Variants in DNMT3A observed in about 807,000 individuals in gnomAD.
DNMT3A encodes the protein DNA (cytosine-5)-methyltransferase 3A.
A neutral mutation model predicts 117.6 loss-of-function variants in DNMT3A; 267 were observed. The ratio of observed to expected loss-of-function variants is 2.27; its 90% CI spans 2.05 to 2.51. DNMT3A has a LOEUF of 2.51. Ranked by LOEUF, DNMT3A falls within the 30% of genes most tolerant of loss-of-function variation. The probability of loss-of-function intolerance (pLI) is 0.00; values close to 1 mark genes in which losing one functional copy is unlikely to be tolerated. For missense variants in DNMT3A, 1,029 were observed against 1,260.2 expected (o/e 0.82, Z 2.78); for synonymous variants, 432 against 474.8 (o/e 0.91, Z 1.17).
Position 25,262,183 on chromosome 2 carries a change from C to T in DNMT3A, c.639+12758G>A, listed in dbSNP as rs1286248960. 7.9e-5 allele frequency among the ~76,000 whole-genome samples: 9 copies of T among 113,992 alleles called. No individual in the cohort carries two copies. The East Asian group carries it at 1.0e-3, about 13-fold the overall frequency. The allele number at this position is 113,992 out of a possible 152,430, so 74.8% of individuals were successfully genotyped here. Reference sequence around the variant, plus strand: ...CCAGCCTGGCGAGAGAGCAAGACTCCGTCTCAAAAAAAAAAAAAAAAAAAA... The same window carrying T: ...CCAGCCTGGCGAGAGAGCAAGACTCTGTCTCAAAAAAAAAAAAAAAAAAAA... On this transcript the variant is annotated intron_variant, in intron 6 of 22. Transcript: ENST00000321117.
rs139660513 is a variant in DNMT3A, at chr2:25,285,083, C to T, written c.178-2372G>A. Among the ~76,000 whole-genome samples the T allele has an allele frequency of 2.6e-3, 397 of 152,258 alleles. 1 individual carries two copies. The highest frequency in any genetic ancestry group is 8.7e-3 in the African/African-American group (361 of 41,530). On this transcript the variant is annotated intron_variant, in intron 3 of 22. Coordinates refer to ENST00000321117, the MANE Select transcript of DNMT3A (RefSeq NM_022552.5). ...TTGCACTTACAGCTCTGTACAGCTG[C>T]GTGTTTCCATGGGACGGAGTTCCAG...
At chr2:25,292,831 C>A (rs980624097) in intron 3 of DNMT3A, among the ~76,000 whole-genome samples, 4 of 152,080 alleles carry the variant, frequency 2.6e-5, no homozygotes, top group African/African-American at 9.7e-5. Context: ...CAGCTCTCCT[C>A]CAATGGGTGT....
At chr2:25,242,162 C>T (rs1177698352) in intron 16 of DNMT3A, 2 of 178,626 alleles carry the variant, frequency 1.1e-5, no homozygotes, top group Admixed American at 1.3e-4. Flanking sequence ...CCCCTGGAAT[C>T]ACCGCCCCCT....
Position 25,327,383 on chromosome 2 carries a change from C to A in DNMT3A, c.-177-13222G>T, listed in dbSNP as rs958079178. Among the ~76,000 whole-genome samples, 1 of 152,130 alleles carries A rather than the reference C, an allele frequency of 6.6e-6. No homozygotes were observed. ...CAACATCCTGGCCAGCTAATCACTC[C>A]CTGCTTCAAGCACTCACTCAACAGC... On this transcript the variant is annotated intron_variant, in intron 1 of 22. Transcript: ENST00000321117. This position sits in a 1 kb window ranked among gnomAD's most constrained non-coding sequence, Gnocchi z 4.1.
At chr2:25,283,360 CAA>C (rs56884375) in intron 3 of DNMT3A, among the ~76,000 whole-genome samples, 19,059 of 65,708 alleles carry the variant, frequency 0.29, 1,227 homozygotes, top group African/African-American at 0.35. Flanking sequence ...GACTCCGCCT[CAA>C]AAAAAAAAAA....
Position 25,235,703 on chromosome 2 carries a change from G to C in DNMT3A, c.2597+4C>G. The C allele has an allele frequency of 6.2e-7, 1 of 1,611,830 alleles. No individual in the cohort carries two copies. Among genetic ancestry groups the C allele is most frequent in the Non-Finnish European group, 8.5e-7 (1 of 1,178,114 alleles). On this transcript the variant is annotated splice_donor_region_variant and intron_variant, in intron 22 of 22. Transcript: ENST00000321117. Reference sequence around the variant, plus strand: ...GCAGCCAGATGCCAGCACAACCCGGGTACCTTTCCATTTCAGTGCACCATA... The same window carrying C: ...GCAGCCAGATGCCAGCACAACCCGGCTACCTTTCCATTTCAGTGCACCATA...
Position 25,281,393 on chromosome 2 carries a change from G to A in DNMT3A, c.448+1048C>T. On this transcript the variant is annotated intron_variant, in intron 4 of 22. Coordinates refer to ENST00000321117, the MANE Select transcript of DNMT3A (RefSeq NM_022552.5). This position sits in a 1 kb window ranked among gnomAD's most constrained non-coding sequence, Gnocchi z 4.8. Reference sequence around the variant, plus strand: ...ATACAGATTCCCTCTGTAGTGTTCTGCACATAGTGGGAGCATCATACATAT... The same window carrying A: ...ATACAGATTCCCTCTGTAGTGTTCTACACATAGTGGGAGCATCATACATAT... 1.0e-6 allele frequency: 1 copy of A among 984,550 alleles called. No individual in the cohort carries two copies. Among genetic ancestry groups the A allele is most frequent in the Non-Finnish European group, 1.2e-6 (1 of 817,926 alleles). The allele number at this position is 984,550 out of a possible 1,614,324, so 61.0% of individuals were successfully genotyped here.
chr2:25,335,997 G>C (rs182288415), intron 1 of DNMT3A, among the ~76,000 whole-genome samples: 5 of 152,128 alleles, frequency 3.3e-5, no homozygotes. Context: ...ATTTAGCTAG[G>C]AAAGCCCCAG....
At chr2:25,314,734 G>T (rs1050071744) in intron 1 of DNMT3A, 13 of 984,742 alleles carry the variant, frequency 1.3e-5, no homozygotes, top group Non-Finnish European at 1.6e-5. Context: ...GCCTAGGAGG[G>T]AGAGGCCACG....
rs956794629 is a variant in DNMT3A at position 25,262,083 on chromosome 2, G to A, written c.639+12858C>T. 4.6e-5 allele frequency among the ~76,000 whole-genome samples: 7 copies of A among 151,772 alleles called. No individual in the cohort carries two copies. In the East Asian group the frequency reaches 7.8e-4, roughly 17 times the overall value. The stretch of plus-strand genomic sequence containing the variant: ...CACATGCCTGTAACCCCACCTACTC[G>A]GGAGGCTGAGGCAGGAGAATCACTT... On this transcript the variant is annotated intron_variant, in intron 6 of 22. Transcript: ENST00000321117.
intron 3 of DNMT3A, among the ~76,000 whole-genome samples, chr2:25,290,137 A>G (rs1252008575): frequency 6.6e-6 from 1 of 151,806 alleles, no homozygotes; most frequent in East Asian, 1.9e-4. Flanking sequence ...TTTTATTTTT[A>G]TGGAAGTAAT....
chr2:25,276,393 T>C (rs2031411138), intron 4 of DNMT3A, among the ~76,000 whole-genome samples: 4 of 152,232 alleles, frequency 2.6e-5, no homozygotes, highest in Non-Finnish European at 5.9e-5. Flanking sequence ...CTGTGGGGCC[T>C]GGCATACTGT....
At position 25,234,322 on chromosome 2, in the gene DNMT3A, C is replaced by T. The variant is rs1480791034; in HGVS notation, c.2696G>A (p.Arg899His). The T allele has an allele frequency of 1.9e-6, 3 of 1,614,000 alleles. No homozygotes were observed. Among genetic ancestry groups the T allele is most frequent in the Non-Finnish European group, 2.5e-6 (3 of 1,179,934 alleles). ...CTCCTTCAGCGGAGCGAAGAGGTGG[C>T]GGATGACTGGCACGCTCCATGACCG... ...LGRSWSVPVI[R>H]HLFAPLKEYF... The change falls in exon 23 of 23, where the codon CGC (arginine) becomes CAC (histidine). Residue 899 changes from arginine to histidine, a missense_variant. Coordinates refer to ENST00000321117, the MANE Select transcript of DNMT3A (RefSeq NM_022552.5). The surrounding 1 kb of genome is among the most constrained non-coding windows in gnomAD (Gnocchi z 4.5).
At chr2:25,249,043 T>C (rs1196589056) in intron 6 of DNMT3A, among the ~76,000 whole-genome samples, 1 of 152,198 alleles carries the variant, frequency 6.6e-6, no homozygotes, top group African/African-American at 2.4e-5. Flanking sequence ...GTTAATTCTA[T>C]CCAAATATTA....
Position 25,232,837 on chromosome 2 carries a change from C to T in DNMT3A, c.*1442G>A. 4.5e-6 allele frequency: 1 copy of T among 224,036 alleles called. No individual in the cohort carries two copies. The highest frequency in any genetic ancestry group is 8.9e-6 in the Non-Finnish European group (1 of 112,356). The allele number at this position is 224,036 out of a possible 1,614,324, so 13.9% of individuals were successfully genotyped here. On this transcript the variant is annotated 3_prime_UTR_variant, in exon 23 of 23. Transcript: ENST00000321117. This position sits in a 1 kb window ranked among gnomAD's most constrained non-coding sequence, Gnocchi z 4.1. ...ATAATAAAAGGTGTCATCAGCCTCC[C>T]AGTATAAAACTGCAGCCTTTGGAGA... is the stretch of plus-strand genomic sequence containing the variant.
chr2:25,322,369 C>G (rs868018487), intron 1 of DNMT3A, among the ~76,000 whole-genome samples: 16 of 152,054 alleles, frequency 1.1e-4, no homozygotes, highest in African/African-American at 3.4e-4. Flanking sequence ...ATGAAATCAT[C>G]ACGTCCCACA....
At chr2:25,245,030 G>A (rs1018288764) in intron 13 of DNMT3A, among the ~76,000 whole-genome samples, 3 of 152,246 alleles carry the variant, frequency 2.0e-5, no homozygotes, top group African/African-American at 7.2e-5. Context: ...TGGGGCTTGA[G>A]AGAGGTAAAG....
chr2:25,248,209 T>A lies in DNMT3A; in HGVS notation c.683A>T (p.Glu228Val). ...AKVIAGMNAVEENQGPGESQK... is the reference protein window; with the variant it reads ...AKVIAGMNAVVENQGPGESQK... Reference sequence around the variant, plus strand: ...AGACTCCCCGGGCCCCTGGTTTTCTTCCACAGCATTCATTCCTGCAATGAC... The same window carrying A: ...AGACTCCCCGGGCCCCTGGTTTTCTACCACAGCATTCATTCCTGCAATGAC... The change falls in exon 7 of 23, where the codon GAA (glutamate) becomes GTA (valine). Residue 228 changes from glutamate to valine, a missense_variant. Coordinates refer to ENST00000321117, the MANE Select transcript of DNMT3A (RefSeq NM_022552.5). 2 of 1,612,200 alleles carry A rather than the reference T, an allele frequency of 1.2e-6. No individual in the cohort carries two copies. The highest frequency in any genetic ancestry group is 4.5e-5 in the East Asian group (2 of 44,854).
intron 2 of DNMT3A, among the ~76,000 whole-genome samples, chr2:25,302,407 G>C (rs1329634345): frequency 6.6e-6 from 1 of 152,210 alleles, no homozygotes; most frequent in African/African-American, 2.4e-5. Context: ...GGACCAAAGA[G>C]GGCAATTTAA....
Sources: allele counts gnomAD v4.1 joint callset (sites outside exome capture counted in the v4.1 genomes callset), GRCh38; gene constraint gnomAD v4.1.1; non-coding constraint Gnocchi (gnomAD v3.1); transcripts MANE v1.5; gene names NCBI Gene and HGNC (gene_info 2026-07-23, HGNC 2026-07-21).